Variants in ADGRG6 observed in about 807,000 individuals in gnomAD.
The protein encoded by ADGRG6 is G-protein coupled receptor 126.
In ADGRG6, 84 loss-of-function variants were observed where a neutral mutation model predicts 142.4. The observed-to-expected ratio is 0.59, with a 90% CI of 0.49 to 0.71. ADGRG6 has a LOEUF of 0.71. Ranked by LOEUF, ADGRG6 falls within the 30% of genes least tolerant of loss-of-function variation. ADGRG6 has a pLI of 0.00. For synonymous variants in ADGRG6, 521 were observed against 520.5 expected, an observed-to-expected ratio of 1.00 and a Z score of -0.01; for missense variants, 1,367 against 1,466.6, an observed-to-expected ratio of 0.93 and a Z score of 1.11.
At chr6:142,323,242 A>G (rs112063896) in intron 2 of ADGRG6, among the ~76,000 whole-genome samples, 135 of 152,228 alleles carry the variant, frequency 8.9e-4, no homozygotes, top group African/African-American at 2.5e-3. Flanking sequence ...GGGTTATACA[A>G]AAACATCTCA....
chr6:142,428,028 T>C (rs189557052), intron 22 of ADGRG6, among the ~76,000 whole-genome samples: 57 of 152,260 alleles, frequency 3.7e-4, no homozygotes, highest in African/African-American at 1.4e-3. Flanking sequence ...AGGAATGACT[T>C]TTGATAGATT....
At chr6:142,414,862 C>T in intron 18 of ADGRG6, 107 bp from the exon 19 acceptor site, 1 of 738,770 alleles carries the variant, frequency 1.4e-6, no homozygotes, top group Non-Finnish European at 2.1e-6. Context: ...TGGTTTTAGC[C>T]CCTGAGAGTA....
At chr6:142,423,538 T>C (rs1425621178) in intron 22 of ADGRG6, among the ~76,000 whole-genome samples, 8 of 150,158 alleles carry the variant, frequency 5.3e-5, no homozygotes, top group African/African-American at 2.0e-4. Flanking sequence ...GATCTCTGTT[T>C]TGGTACCAGT....
At chr6:142,406,446 T>C (rs1335333781) in intron 15 of ADGRG6, among the ~76,000 whole-genome samples, 1 of 152,238 alleles carries the variant, frequency 6.6e-6, no homozygotes, top group Non-Finnish European at 1.5e-5. Context: ...GCAGGTTCGC[T>C]GGGCCCTTTT....
At chr6:142,336,615 G>A (rs1208394075) in intron 2 of ADGRG6, among the ~76,000 whole-genome samples, 1 of 152,138 alleles carries the variant, frequency 6.6e-6, no homozygotes, top group Non-Finnish European at 1.5e-5. Flanking sequence ...TATGTATATT[G>A]AGGCATGTTC....
Position 142,318,808 on chromosome 6 carries a change from G to T in ADGRG6, c.103+9164G>T, listed in dbSNP as rs1217413750. Among the ~76,000 whole-genome samples, 5 of 151,994 alleles carry T rather than the reference G, an allele frequency of 3.3e-5. No individual in the cohort carries two copies. In the Admixed American group the frequency reaches 3.3e-4, roughly 10 times the overall value. ...CATATTTCTCATTACTAGAATAAAG[G>T]GTCTCTGCAGAAGAAGGTAGGGAAT... On this transcript the variant is annotated intron_variant, in intron 2 of 24. Coordinates refer to ENST00000367609, the MANE Select transcript of ADGRG6 (RefSeq NM_198569.3).
chr6:142,414,440 T>C (rs905774562), intron 18 of ADGRG6, among the ~76,000 whole-genome samples: 1 of 152,132 alleles, frequency 6.6e-6, no homozygotes. Context: ...ATACCAAGCA[T>C]TGAAATAACC....
At chr6:142,319,925 A>G (rs1233662420) in intron 2 of ADGRG6, among the ~76,000 whole-genome samples, 3 of 152,186 alleles carry the variant, frequency 2.0e-5, no homozygotes, top group Non-Finnish European at 4.4e-5. Flanking sequence ...GTAAGTAACA[A>G]CTTACGTTTT....
intron 22 of ADGRG6, among the ~76,000 whole-genome samples, chr6:142,428,914 T>A (rs1777083571): frequency 6.6e-6 from 1 of 152,214 alleles, no homozygotes; most frequent in Non-Finnish European, 1.5e-5. Context: ...AATTAAAAGA[T>A]AAGTGTACCT....
intron 4 of ADGRG6, among the ~76,000 whole-genome samples, chr6:142,377,412 G>A (rs191034798): frequency 5.4e-4 from 82 of 152,244 alleles, no homozygotes; most frequent in African/African-American, 1.8e-3. Context: ...CCCACAAGTC[G>A]GGCTCCAGTC....
Position 142,408,269 on chromosome 6 carries a change from G to A in ADGRG6, c.2388G>A (p.Gln796=), listed in dbSNP as rs1775914988. 6.4e-7 allele frequency: 1 copy of A among 1,556,222 alleles called. No homozygotes were observed. The part of the protein sequence containing the change: ...VQIKIKHTRT[Q]EVHHPICAFW... ...TAAAAATCAAACATACAAGAACTCA[G>A]GTAAGAAAACGCTCCCAATAGCATT... Residue 796 remains glutamine (Q), a splice_region_variant and synonymous_variant, in exon 16 of 25, where the codon CAG becomes CAA. Coordinates refer to ENST00000367609, the MANE Select transcript of ADGRG6 (RefSeq NM_198569.3).
chr6:142,377,068 C>T (rs924990004), intron 4 of ADGRG6, among the ~76,000 whole-genome samples: 1 of 152,064 alleles, frequency 6.6e-6, no homozygotes, highest in Non-Finnish European at 1.5e-5. Flanking sequence ...TGCCTGTTTC[C>T]AGTGATTACA....
chr6:142,423,827 G>C (rs933384033), intron 22 of ADGRG6, among the ~76,000 whole-genome samples: 3 of 144,442 alleles, frequency 2.1e-5, no homozygotes, highest in African/African-American at 7.8e-5. Context: ...CCATTTGTTT[G>C]TATCCTCTTT....
chr6:142,336,190 G>A (rs188682934), intron 2 of ADGRG6, among the ~76,000 whole-genome samples: 1 of 152,234 alleles, frequency 6.6e-6, no homozygotes, highest in Non-Finnish European at 1.5e-5. Context: ...CTTTATGTGG[G>A]ATAAATTTGT....
At chr6:142,346,898 A>G (rs1217280147) in intron 2 of ADGRG6, among the ~76,000 whole-genome samples, 11 of 152,082 alleles carry the variant, frequency 7.2e-5, no homozygotes, top group Admixed American at 6.6e-4. Flanking sequence ...TAGGGGAGGG[A>G]TACTATTAGG....
At chr6:142,374,500 G>T (rs1382795435) in intron 4 of ADGRG6, among the ~76,000 whole-genome samples, 1 of 152,210 alleles carries the variant, frequency 6.6e-6, no homozygotes, top group Non-Finnish European at 1.5e-5. Context: ...GGAGCTAAAT[G>T]GTGGCTGCTG....
Position 142,437,500 on chromosome 6 carries a change from T to C in ADGRG6, c.3386T>C (p.Leu1129Pro). 1 of 1,565,456 alleles carries C rather than the reference T, an allele frequency of 6.4e-7. No homozygotes were observed. The highest frequency in any genetic ancestry group is 1.1e-5 in the South Asian group (1 of 90,172). Residue 1129 changes from leucine (L) to proline (P), a missense_variant, in exon 23 of 25, where the codon CTC (leucine) becomes CCC (proline). Coordinates refer to ENST00000367609, the MANE Select transcript of ADGRG6 (RefSeq NM_198569.3). The part of the protein sequence containing the change: ...ENVQKQWRQH[L>P]CCGRFRLADN... ...GTTCAGAAACAGTGGCGGCAGCATC[T>C]CTGCTGTGGTAGATTTCGGTTAGCA...
chr6:142,375,672 A>G (rs1404178570), intron 4 of ADGRG6, among the ~76,000 whole-genome samples: 1 of 152,248 alleles, frequency 6.6e-6, no homozygotes, highest in Non-Finnish European at 1.5e-5. Context: ...CAATGGGAGA[A>G]TAGAAATTTA....
chr6:142,413,117 G>T (rs990170716), intron 18 of ADGRG6, among the ~76,000 whole-genome samples: 2 of 151,418 alleles, frequency 1.3e-5, no homozygotes, highest in African/African-American at 4.9e-5. Context: ...AAAAATTGCT[G>T]GTAGAAAATC....
Sources: allele counts gnomAD v4.1 joint callset (sites outside exome capture counted in the v4.1 genomes callset), GRCh38; gene constraint gnomAD v4.1.1; transcripts MANE v1.5; gene names NCBI Gene and HGNC (gene_info 2026-07-23, HGNC 2026-07-21).